MYH11: variants seen among roughly 807,000 people sequenced by gnomAD.
MYH11 encodes the protein myosin-11.
In MYH11, 80 loss-of-function variants were observed where a neutral mutation model predicts 246.6. The ratio of observed to expected loss-of-function variants is 0.32; its 90% confidence interval spans 0.27 to 0.39. MYH11 has a LOEUF of 0.39. Ranked by LOEUF, MYH11 falls within the 10% of genes least tolerant of loss-of-function variation. The probability of loss-of-function intolerance (pLI) is 1.00; values close to 1 mark genes in which losing one functional copy is unlikely to be tolerated. For synonymous variants in MYH11, 1,071 were observed against 1,015.5 expected, an observed-to-expected ratio of 1.05 and a Z score of -1.04; for missense variants, 2,158 against 2,546.8, an observed-to-expected ratio of 0.85 and a Z score of 3.29.
intron 27 of MYH11, among the ~76,000 whole-genome samples, chr16:15,728,662 G>A (rs2040870063): frequency 6.6e-6 from 1 of 152,142 alleles, no homozygotes; most frequent in Non-Finnish European, 1.5e-5. Context: ...CACTTTGGGA[G>A]GCCTATGCAG....
intron 20 of MYH11, among the ~76,000 whole-genome samples, chr16:15,742,674 T>C (rs2041307803): frequency 2.6e-5 from 4 of 151,858 alleles, no homozygotes; most frequent in Admixed American, 2.6e-4. Context: ...GAGGCTGCAG[T>C]GAGCCACGAT....
At chr16:15,714,843 G>A in intron 40 of MYH11, 66 bp downstream of exon 40, 3 of 1,596,186 alleles carry the variant, frequency 1.9e-6, no homozygotes, top group Non-Finnish European at 2.6e-6. Flanking sequence ...GCCGAAAGGA[G>A]CCCGAGCCCC....
intron 4 of MYH11, among the ~76,000 whole-genome samples, chr16:15,788,089 T>TTTTTTTTTTTTTTTTTTA (rs2042518244): frequency 7.5e-6 from 1 of 132,882 alleles, no homozygotes; most frequent in Non-Finnish European, 1.6e-5. Context: ...TTTTTTTTTT[T>TTTTTTTTTTTTTTTTTTA]TTTTTTACCA....
rs571672466 is a variant in MYH11 at position 15,729,115 on chromosome 16, G to A, written c.3652-2061C>T. Among the ~76,000 whole-genome samples, 20 of 152,038 alleles carry A rather than the reference G, an allele frequency of 1.3e-4. No individual in the cohort carries two copies. In the South Asian group the frequency reaches 4.2e-3, roughly 32 times the overall value. ...TAAGAGCTGCCAGACCTCAGATGGG[G>A]ACAGGGAGTCTCTTGGTGGTAACAA... is the stretch of plus-strand genomic sequence containing the variant. On this transcript the variant is annotated intron_variant, in intron 27 of 40. Coordinates refer to ENST00000300036, the MANE Select transcript of MYH11 (RefSeq NM_002474.3).
chr16:15,756,204 G>T, intron 14 of MYH11, 137 bp downstream of exon 14: 2 of 927,728 alleles, frequency 2.2e-6, no homozygotes, highest in Non-Finnish European at 3.4e-6. Context: ...AATAGGACTT[G>T]GTTGGGATTC....
chr16:15,760,719 A>G (rs1181683119), intron 10 of MYH11, 61 bp from the exon 11 acceptor site: 2 of 1,114,882 alleles, frequency 1.8e-6, no homozygotes, highest in African/African-American at 3.1e-5. Flanking sequence ...GCAAGAAGAC[A>G]CATCGCATGG....
At chr16:15,770,814 T>A (rs114758773) in intron 9 of MYH11, among the ~76,000 whole-genome samples, 1,890 of 152,256 alleles carry the variant, frequency 0.012, 39 homozygotes, top group African/African-American at 0.042. Flanking sequence ...AAGCCGGGAA[T>A]CTACTCTGTT....
intron 3 of MYH11, among the ~76,000 whole-genome samples, chr16:15,799,556 A>C (rs927902509): frequency 6.6e-6 from 1 of 152,216 alleles, no homozygotes; most frequent in Non-Finnish European, 1.5e-5. Flanking sequence ...AGGTCATCAA[A>C]GAACTAGATG....
At chr16:15,747,161 AAAC>A (rs1352452152) in intron 19 of MYH11, among the ~76,000 whole-genome samples, 2 of 152,040 alleles carry the variant, frequency 1.3e-5, no homozygotes, top group Non-Finnish European at 2.9e-5. Context: ...AGGGAGGTAA[AAAC>A]AACAACAATC....
At chr16:15,721,882 G>A (rs901463574) in intron 31 of MYH11, among the ~76,000 whole-genome samples, 10 of 152,038 alleles carry the variant, frequency 6.6e-5, no homozygotes, top group African/African-American at 2.2e-4. Context: ...GTTTTAGATG[G>A]AGTCTCACTT....
At chr16:15,716,509 T>C (rs2040152811) in intron 38 of MYH11, among the ~76,000 whole-genome samples, 2 of 151,874 alleles carry the variant, frequency 1.3e-5, no homozygotes, top group African/African-American at 4.9e-5. Context: ...ACTTTTGTTT[T>C]TTGGGGTTTT....
intron 28 of MYH11, chr16:15,726,016 T>C: frequency 3.8e-6 from 1 of 263,356 alleles, no homozygotes; most frequent in Non-Finnish European, 7.1e-6. Context: ...GTCTCTCTCC[T>C]AATTTTTCTA....
intron 19 of MYH11, among the ~76,000 whole-genome samples, chr16:15,746,409 G>C (rs1567722921): frequency 6.6e-6 from 1 of 152,132 alleles, no homozygotes; most frequent in Admixed American, 6.6e-5. Context: ...AATTGCCCCA[G>C]TTATCCAGGA....
chr16:15,708,727 G>A (rs1366366315), intron 40 of MYH11: 1 of 1,454,114 alleles, frequency 6.9e-7, no homozygotes, highest in African/African-American at 1.4e-5. Flanking sequence ...AAATTGGGGT[G>A]GGCAGAGGGG....
intron 1 of MYH11, among the ~76,000 whole-genome samples, chr16:15,839,292 A>C (rs970926737): frequency 3.3e-5 from 5 of 152,232 alleles, no homozygotes; most frequent in African/African-American, 9.6e-5. Flanking sequence ...ATGAGTCTCA[A>C]AAGCATCATG....
intron 3 of MYH11, among the ~76,000 whole-genome samples, chr16:15,799,030 T>C (rs971500284): frequency 2.0e-5 from 3 of 152,196 alleles, no homozygotes; most frequent in African/African-American, 4.8e-5. Context: ...TCTATACAGA[T>C]TGGGGTCCCC....
At chr16:15,716,149 G>A (rs1240716228) in intron 38 of MYH11, among the ~76,000 whole-genome samples, 2 of 151,958 alleles carry the variant, frequency 1.3e-5, no homozygotes, top group African/African-American at 4.8e-5. Flanking sequence ...GACTGGTCTC[G>A]AACTCCTGGA....
At chr16:15,793,027 G>GC (rs1198790999) in intron 4 of MYH11, among the ~76,000 whole-genome samples, 1 of 152,056 alleles carries the variant, frequency 6.6e-6, no homozygotes, top group African/African-American at 2.4e-5. Flanking sequence ...GAGCCACCAT[G>GC]CCCAGCCTGT....
intron 19 of MYH11, 36 bp downstream of exon 19, chr16:15,747,534 C>T (rs190739489): frequency 3.8e-5 from 62 of 1,613,756 alleles, no homozygotes; most frequent in East Asian, 3.8e-4. Flanking sequence ...TTGTGATTCG[C>T]GTTTGAGGTA....
Sources: allele counts gnomAD v4.1 joint callset (sites outside exome capture counted in the v4.1 genomes callset), GRCh38; gene constraint gnomAD v4.1.1; transcripts MANE v1.5; gene names NCBI Gene and HGNC (gene_info 2026-07-23, HGNC 2026-07-21).